Variants in SERGEF observed in about 807,000 individuals in gnomAD.
SERGEF encodes secretion regulating guanine nucleotide exchange factor.
SERGEF carries 51 observed loss-of-function variants against 50.0 expected under a neutral mutation model. The observed-to-expected ratio is 1.02, with a 90% CI of 0.81 to 1.29. The LOEUF is 1.29. Ranked by LOEUF, SERGEF falls within the 50% of genes most tolerant of loss-of-function variation. SERGEF has a pLI of 0.00. For missense variants in SERGEF, 521 were observed against 557.0 expected, an observed-to-expected ratio of 0.94 and a Z score of 0.65; for synonymous variants, 205 against 212.4, an observed-to-expected ratio of 0.97 and a Z score of 0.30.
At chr11:17,812,177 C>T (rs568343937) in intron 10 of SERGEF, among the ~76,000 whole-genome samples, 20 of 152,278 alleles carry the variant, frequency 1.3e-4, no homozygotes, top group East Asian at 3.9e-4. Context: ...GAAAACTGCA[C>T]GGGAGACTGA....
At chr11:17,871,447 C>T (rs7111911) in intron 10 of SERGEF, among the ~76,000 whole-genome samples, 2,125 of 120,328 alleles carry the variant, frequency 0.018, 27 homozygotes, top group Middle Eastern at 0.075. Context: ...GGTGACAGAG[C>T]GAGACTCCAT....
Position 18,012,937 on chromosome 11 carries a change from G to A in SERGEF, c.60+14C>T, listed in dbSNP as rs772516422. Reference sequence around the variant, plus strand: ...CCTCAGGGCCTGCACCGGCCCGGGGGCGGAGTCACGTACCCAGGCGAAGAG... The same window carrying A: ...CCTCAGGGCCTGCACCGGCCCGGGGACGGAGTCACGTACCCAGGCGAAGAG... On this transcript the variant is annotated intron_variant, in intron 1 of 10. Transcript: ENST00000265965. 1.6e-5 allele frequency: 25 copies of A among 1,517,308 alleles called. No homozygotes were observed. In the East Asian group the frequency reaches 3.7e-4, roughly 22 times the overall value. The allele number at this position is 1,517,308 out of a possible 1,614,324, so 94.0% of individuals were successfully genotyped here. A position where few individuals can be genotyped will look rare whatever the true frequency, so the allele number is the denominator to read the frequency against.
chr11:17,792,423 T>C (rs1001306335), intron 10 of SERGEF, among the ~76,000 whole-genome samples: 5 of 152,056 alleles, frequency 3.3e-5, no homozygotes, highest in African/African-American at 1.2e-4. Flanking sequence ...TCAGCAGGGA[T>C]GGGGGTGGGA....
chr11:17,999,114 T>C (rs546396752), intron 5 of SERGEF, among the ~76,000 whole-genome samples: 34 of 152,314 alleles, frequency 2.2e-4, no homozygotes, highest in African/African-American at 7.7e-4. Context: ...TACTGTATGA[T>C]ACCATTTATA....
At chr11:17,849,455 T>C (rs1850673948) in intron 10 of SERGEF, among the ~76,000 whole-genome samples, 1 of 152,236 alleles carries the variant, frequency 6.6e-6, no homozygotes. Flanking sequence ...CTCCAGCTTC[T>C]GTTATTAGAA....
chr11:17,908,145 T>C (rs1384187893), intron 9 of SERGEF, among the ~76,000 whole-genome samples: 2 of 152,166 alleles, frequency 1.3e-5, no homozygotes, highest in Admixed American at 6.6e-5. Context: ...TAAAACACTA[T>C]TTTAAACAGC....
chr11:17,815,914 A>T (rs1251937135), intron 10 of SERGEF, among the ~76,000 whole-genome samples: 5 of 152,186 alleles, frequency 3.3e-5, no homozygotes, highest in Admixed American at 3.3e-4. Context: ...GTGAGACTCC[A>T]TCTCAAATAA....
At chr11:17,940,934 T>C (rs1057369684) in intron 9 of SERGEF, among the ~76,000 whole-genome samples, 27 of 152,210 alleles carry the variant, frequency 1.8e-4, no homozygotes, top group African/African-American at 6.0e-4. Flanking sequence ...CACAATTTGG[T>C]TTCTCCACCA....
chr11:17,816,310 G>T (rs755881987), intron 10 of SERGEF, among the ~76,000 whole-genome samples: 2 of 152,162 alleles, frequency 1.3e-5, no homozygotes, highest in Admixed American at 1.3e-4. Context: ...GGCGGTATTT[G>T]CAAGAGGAAG....
rs1242909401 is a variant in SERGEF, at chr11:17,884,349, C to T, written c.1012-6105G>A. Among the ~76,000 whole-genome samples, 1 of 152,036 alleles carries T rather than the reference C, an allele frequency of 6.6e-6. No individual in the cohort carries two copies. Among genetic ancestry groups the T allele is most frequent in the Admixed American group, 6.6e-5 (1 of 15,260 alleles). On this transcript the variant is annotated intron_variant, in intron 9 of 10. Transcript: ENST00000265965. The surrounding 1 kb of genome is among the most constrained non-coding windows in gnomAD (Gnocchi z 4.6). ...GGGAGAAGCGTACCAGAAGCAGCTC[C>T]AGAATGGCAGCCCCAGCTGGCTGGG...
intron 10 of SERGEF, chr11:17,856,569 T>C (rs941625253): frequency 6.6e-6 from 1 of 152,208 alleles, no homozygotes; most frequent in African/African-American, 2.4e-5. Flanking sequence ...CCTGTGTCTT[T>C]AGATACCCAA....
intron 5 of SERGEF, among the ~76,000 whole-genome samples, 179 bp downstream of exon 5, chr11:18,000,318 A>C (rs533215649): frequency 6.6e-6 from 1 of 152,082 alleles, no homozygotes; most frequent in Non-Finnish European, 1.5e-5. Flanking sequence ...GCATGGTGGC[A>C]TGCACCTATA....
intron 10 of SERGEF, among the ~76,000 whole-genome samples, chr11:17,823,372 A>G (rs1242972009): frequency 6.6e-6 from 1 of 152,116 alleles, no homozygotes; most frequent in Non-Finnish European, 1.5e-5. Context: ...TCTCCACTGT[A>G]AGGCTATTCC....
intron 9 of SERGEF, among the ~76,000 whole-genome samples, chr11:17,955,095 G>A (rs994457350): frequency 6.6e-6 from 1 of 152,204 alleles, no homozygotes; most frequent in Non-Finnish European, 1.5e-5. Flanking sequence ...AGTTAAAAGT[G>A]ATCTAGACTC....
At chr11:17,790,267 A>G (rs1199045799) in intron 10 of SERGEF, among the ~76,000 whole-genome samples, 1 of 152,168 alleles carries the variant, frequency 6.6e-6, no homozygotes, top group African/African-American at 2.4e-5. Flanking sequence ...TTTTCTACAT[A>G]GATGTGTCCT....
chr11:17,877,645 A>G (rs1194426040), intron 10 of SERGEF, among the ~76,000 whole-genome samples: 2 of 152,222 alleles, frequency 1.3e-5, no homozygotes, highest in African/African-American at 4.8e-5. Flanking sequence ...GAAGTTAATG[A>G]GAAGCCTTCT....
At chr11:17,953,181 A>T in intron 9 of SERGEF, among the ~76,000 whole-genome samples, 1 of 150,996 alleles carries the variant, frequency 6.6e-6, no homozygotes. Flanking sequence ...TCATTGCCAG[A>T]CTCTCTTAAA....
At chr11:17,963,089 G>A (rs1853042920) in intron 8 of SERGEF, among the ~76,000 whole-genome samples, 1 of 151,062 alleles carries the variant, frequency 6.6e-6, no homozygotes, top group Non-Finnish European at 1.5e-5. Context: ...GGCTGAGGTG[G>A]GAGAATCACT....
intron 10 of SERGEF, among the ~76,000 whole-genome samples, chr11:17,872,154 C>T (rs944292262): frequency 9.2e-5 from 14 of 152,198 alleles, no homozygotes; most frequent in African/African-American, 3.1e-4. Flanking sequence ...ACACCATCCA[C>T]GTGAAGTTCA....
Sources: allele counts gnomAD v4.1 joint callset (sites outside exome capture counted in the v4.1 genomes callset), GRCh38; gene constraint gnomAD v4.1.1; non-coding constraint Gnocchi (gnomAD v3.1); transcripts MANE v1.5; gene names NCBI Gene and HGNC (gene_info 2026-07-23, HGNC 2026-07-21).